Variants in SECISBP2 observed in about 807,000 individuals in gnomAD.
SECISBP2 encodes SECIS binding protein 2.
In SECISBP2, 96 loss-of-function variants were observed where a neutral mutation model predicts 98.2. The observed-to-expected ratio is 0.98, with a 90% CI of 0.83 to 1.16. The LOEUF (loss-of-function observed/expected upper bound fraction) is 1.16, where lower values mean the gene tolerates loss of function less well. Ranked by LOEUF, SECISBP2 falls within the 50% of genes most tolerant of loss-of-function variation. The pLI is 0.00. For missense variants in SECISBP2, 1,046 were observed against 1,022.9 expected (o/e 1.02, Z -0.31); for synonymous variants, 407 against 370.2 (o/e 1.10, Z -1.14).
chr9:89,357,000 G>A (rs1192246934), intron 14 of SECISBP2: 1 of 320,808 alleles, frequency 3.1e-6, no homozygotes, highest in Non-Finnish European at 6.0e-6. Flanking sequence ...AGTAGAGGGT[G>A]GTGAGCCCTC....
intron 4 of SECISBP2, among the ~76,000 whole-genome samples, chr9:89,327,151 G>A (rs886305668): frequency 2.0e-4 from 30 of 150,876 alleles, no homozygotes; most frequent in African/African-American, 7.1e-4. Context: ...GAGACAGAGC[G>A]AGACTCCGTC....
rs1433620120 is a variant in SECISBP2 at position 89,359,320 on chromosome 9, G to A, written c.*496G>A. 1.3e-5 allele frequency: 2 copies of A among 159,480 alleles called. No individual in the cohort carries two copies. Among genetic ancestry groups the A allele is most frequent in the African/African-American group, 2.4e-5 (1 of 41,506 alleles). 9.9% of individuals were successfully genotyped at this position (159,480 alleles called of 1,614,324 possible). ...GGTGTCAGAGCAAGAGGGCTACAGG[G>A]AAAGGGCCCTTTCTCAGGGGATGTA... On this transcript the variant is annotated 3_prime_UTR_variant, in exon 17 of 17. Transcript: ENST00000375807.
chr9:89,364,446 C>CTGGA (rs1833259650), downstream of SECISBP2: 1 of 216,950 alleles, frequency 4.6e-6, no homozygotes, highest in Non-Finnish European at 9.5e-6. Context: ...GGGCCTGTCT[C>CTGGA]TCCAATTGAG....
At chr9:89,348,601 T>C (rs1830786775) in intron 12 of SECISBP2, among the ~76,000 whole-genome samples, 1 of 152,250 alleles carries the variant, frequency 6.6e-6, no homozygotes, top group Non-Finnish European at 1.5e-5. Flanking sequence ...AAACTTCATA[T>C]TCAGTTATAC....
At chr9:89,318,995 C>G in intron 1 of SECISBP2, 3 of 1,058,086 alleles carry the variant, frequency 2.8e-6, no homozygotes, top group Non-Finnish European at 3.4e-6. Context: ...GCTCTACGTA[C>G]TCAGCATTAC....
chr9:89,329,872 C>G (rs1249498472), intron 5 of SECISBP2: 2 of 152,166 alleles, frequency 1.3e-5, no homozygotes, highest in African/African-American at 4.8e-5. Context: ...CACGCTACTT[C>G]TAACATGCTG....
intron 11 of SECISBP2, 49 bp downstream of exon 11, chr9:89,347,097 A>G (rs760146064): frequency 4.5e-6 from 7 of 1,567,316 alleles, no homozygotes; most frequent in Non-Finnish European, 6.1e-6. Flanking sequence ...ACTTAGTCTC[A>G]CATTTCCATA....
At chr9:89,359,873 C>T (rs1324211182), downstream of SECISBP2, among the ~76,000 whole-genome samples, 4 of 152,198 alleles carry the variant, frequency 2.6e-5, no homozygotes, top group East Asian at 3.9e-4. Context: ...TCCCAACCTG[C>T]ACTTGCGTTT....
At chr9:89,334,252 G>A in intron 6 of SECISBP2, 2 of 1,144,060 alleles carry the variant, frequency 1.7e-6, no homozygotes, top group South Asian at 3.4e-5. Context: ...TAAAACTACT[G>A]TTTGTCTACC....
chr9:89,324,475 T>A (rs1009907129), intron 2 of SECISBP2: 1 of 152,182 alleles, frequency 6.6e-6, no homozygotes, highest in Non-Finnish European at 1.5e-5. Context: ...TAAACGTTAT[T>A]ATATTATAGG....
Position 89,334,224 on chromosome 9 carries a change from G to A in SECISBP2, c.881-298G>A, listed in dbSNP as rs1828244875. 1.2e-5 allele frequency: 15 copies of A among 1,212,864 alleles called. No individual in the cohort carries two copies. In the South Asian group the frequency reaches 2.1e-4, roughly 17 times the overall value. The allele number at this position is 1,212,864 out of a possible 1,614,324, so 75.1% of individuals were successfully genotyped here. ...TGCTTGCCACGTGGACATTTATTGT[G>A]GATTGTTGTTTTTTAACTAAAACTA... On this transcript the variant is annotated intron_variant, in intron 6 of 16. Coordinates refer to ENST00000375807, the MANE Select transcript of SECISBP2 (RefSeq NM_024077.5).
At chr9:89,356,691 G>A (rs1181325864) in intron 14 of SECISBP2, 1 of 151,992 alleles carries the variant, frequency 6.6e-6, no homozygotes. Flanking sequence ...CTGGTATTGC[G>A]TTCTTTAACA....
chr9:89,338,695 A>T, intron 8 of SECISBP2, 115 bp downstream of exon 8: 4 of 1,109,118 alleles, frequency 3.6e-6, no homozygotes. Context: ...TTTAATGATC[A>T]TTTTTGTAGT....
chr9:89,356,638 T>C (rs558889798), intron 14 of SECISBP2: 1 of 144,562 alleles, frequency 6.9e-6, no homozygotes, highest in Admixed American at 6.9e-5. Flanking sequence ...TTTTTTCTTC[T>C]TTTTTTTTTT....
intron 2 of SECISBP2, 88 bp downstream of exon 2, chr9:89,319,885 C>A: frequency 1.5e-6 from 2 of 1,352,840 alleles, no homozygotes; most frequent in Non-Finnish European, 2.1e-6. Context: ...AGTTACTGCA[C>A]TAAAGTTCTG....
At chr9:89,319,618 A>C (rs942773648) in intron 1 of SECISBP2, 34 bp from the exon 2 acceptor site, 5 of 1,612,994 alleles carry the variant, frequency 3.1e-6, no homozygotes, top group African/African-American at 1.3e-5. Flanking sequence ...TGATCTCTGA[A>C]TGTTTGTGGC....
intron 10 of SECISBP2, among the ~76,000 whole-genome samples, chr9:89,345,540 A>G (rs1443802320): frequency 2.0e-5 from 3 of 152,176 alleles, no homozygotes; most frequent in East Asian, 1.9e-4. Flanking sequence ...GAGGGCTGAT[A>G]TGACTGTGTT....
chr9:89,326,750 C>T (rs149510911), intron 4 of SECISBP2, among the ~76,000 whole-genome samples: 1 of 152,224 alleles, frequency 6.6e-6, no homozygotes, highest in East Asian at 1.9e-4. Context: ...GATGGTATAG[C>T]CAACCACCTA....
chr9:89,362,826 GCA>G (rs35101833), downstream of SECISBP2, among the ~76,000 whole-genome samples: 2 of 152,092 alleles, frequency 1.3e-5, no homozygotes, highest in African/African-American at 4.8e-5. Flanking sequence ...GCAGGTGGTA[GCA>G]CACAGTGATG....
Sources: gnomAD v4.1 joint callset for allele counts (sites outside exome capture counted in the v4.1 genomes callset) on GRCh38, gnomAD v4.1.1 for gene constraint, MANE v1.5 for transcripts, NCBI Gene and HGNC (gene_info 2026-07-23, HGNC 2026-07-21) for gene names.